Variants in DCDC2C observed in about 807,000 individuals in gnomAD.
The protein encoded by DCDC2C is doublecortin domain-containing protein 2C.
DCDC2C carries 44 observed loss-of-function variants against 45.0 expected under a neutral mutation model. The ratio of observed to expected loss-of-function variants is 0.98; its 90% CI spans 0.77 to 1.26. The LOEUF (loss-of-function observed/expected upper bound fraction) is 1.26. DCDC2C is among the 50% of genes most tolerant of loss of function. DCDC2C has a pLI of 0.00. For synonymous variants in DCDC2C, 187 were observed against 178.8 expected, an observed-to-expected ratio of 1.05 and a Z score of -0.37; for missense variants, 447 against 468.9, an observed-to-expected ratio of 0.95 and a Z score of 0.43.
chr2:3,807,557 C>A (rs59124342), intron 10 of DCDC2C, among the ~76,000 whole-genome samples: 15,166 of 151,830 alleles, frequency 0.1, 1,032 homozygotes, highest in East Asian at 0.3. Context: ...CTTCTTGGGT[C>A]ATTTTATCTT....
At chr2:3,797,282 A>G (rs1417608087) in intron 10 of DCDC2C, among the ~76,000 whole-genome samples, 2 of 151,888 alleles carry the variant, frequency 1.3e-5, no homozygotes, top group Non-Finnish European at 2.9e-5. Flanking sequence ...TAGTCTTGCT[A>G]GTGGTCTATC....
intron 10 of DCDC2C, among the ~76,000 whole-genome samples, chr2:3,816,331 G>A (rs554480851): frequency 1.3e-5 from 2 of 152,120 alleles, no homozygotes; most frequent in African/African-American, 4.8e-5. Context: ...ATAATTGCTT[G>A]GTTGGTGAGT....
chr2:3,703,689 A>G lies in DCDC2C; in HGVS notation c.-63A>G, dbSNP rs1667936513. On this transcript the variant is annotated 5_prime_UTR_variant, in exon 1 of 11. Coordinates refer to ENST00000399143, the MANE Select transcript of DCDC2C (RefSeq NM_001287444.2). This position sits in a 1 kb window ranked among gnomAD's most constrained non-coding sequence, Gnocchi z 4.4. ...TGCCCGGGCCTGGGCGCGGCTCTGC[A>G]GGCGTCGCTGCCCGCGCTGCCGCAG... 1 of 1,216,902 alleles carries G rather than the reference A, an allele frequency of 8.2e-7. No individual in the cohort carries two copies. The highest frequency in any genetic ancestry group is 1.0e-6 in the Non-Finnish European group (1 of 977,572). The allele number at this position is 1,216,902 out of a possible 1,614,324, so 75.4% of individuals were successfully genotyped here. A position where few individuals can be genotyped will look rare whatever the true frequency, so the allele number is the denominator to read the frequency against.
intron 8 of DCDC2C, among the ~76,000 whole-genome samples, chr2:3,778,334 T>A (rs2148170582): frequency 6.6e-6 from 1 of 152,246 alleles, no homozygotes; most frequent in Non-Finnish European, 1.5e-5. Flanking sequence ...CACATGCTTC[T>A]CCCCAAGAGC....
Position 3,847,159 on chromosome 2 carries a change from C to T in DCDC2C, c.1071C>T (p.Ala357=), listed in dbSNP as rs1672354391. The change falls in exon 11 of 11, where the codon GCC becomes GCT. Residue 357 remains alanine (A), a synonymous_variant. Coordinates refer to ENST00000399143, the MANE Select transcript of DCDC2C (RefSeq NM_001287444.2). Reference sequence around the variant, plus strand: ...TGCTTTTCTATGTCTTCCAGATGGCCCGGGAGTGGAAACCTGTAGATTAAC... The same window carrying T: ...TGCTTTTCTATGTCTTCCAGATGGCTCGGGAGTGGAAACCTGTAGATTAAC... ...RLCEDVERKM[A]REWKPVD 1 of 1,231,676 alleles carries T rather than the reference C, an allele frequency of 8.1e-7. No homozygotes were observed. The highest frequency in any genetic ancestry group is 3.2e-5 in the East Asian group (1 of 31,700). 76.3% of individuals were successfully genotyped at this position (1,231,676 alleles called of 1,614,324 possible). A position where few individuals can be genotyped will look rare whatever the true frequency, so the allele number is the denominator to read the frequency against.
At chr2:3,837,788 G>A (rs1013977955) in intron 10 of DCDC2C, among the ~76,000 whole-genome samples, 2 of 152,188 alleles carry the variant, frequency 1.3e-5, no homozygotes, top group Non-Finnish European at 2.9e-5. Context: ...TTCCTCAGCC[G>A]GCCAGCCGTG....
At chr2:3,796,465 T>C (rs1364074037) in intron 10 of DCDC2C, among the ~76,000 whole-genome samples, 2 of 114,682 alleles carry the variant, frequency 1.7e-5, no homozygotes, top group African/African-American at 7.3e-5. Context: ...AAGGGAATGC[T>C]CCCAGTTTTT....
chr2:3,723,991 G>C (rs140640494), intron 2 of DCDC2C, among the ~76,000 whole-genome samples: 2 of 152,122 alleles, frequency 1.3e-5, no homozygotes, highest in East Asian at 1.9e-4. Context: ...CTGTGTGTTT[G>C]TGTGTGTGTG....
chr2:3,787,780 C>T (rs1414427310), intron 10 of DCDC2C, among the ~76,000 whole-genome samples: 1 of 152,102 alleles, frequency 6.6e-6, no homozygotes, highest in Non-Finnish European at 1.5e-5. Context: ...GGACTGTTTT[C>T]CATTTTAAAT....
intron 10 of DCDC2C, among the ~76,000 whole-genome samples, chr2:3,799,041 C>T (rs1445651370): frequency 2.0e-5 from 3 of 152,190 alleles, no homozygotes; most frequent in South Asian, 2.1e-4. Context: ...TTCACATAGT[C>T]GCATATTTCT....
intron 10 of DCDC2C, among the ~76,000 whole-genome samples, chr2:3,800,214 G>A (rs966402615): frequency 1.4e-4 from 22 of 152,274 alleles, no homozygotes; most frequent in African/African-American, 5.1e-4. Flanking sequence ...GCAATGCCTC[G>A]CCCTGCTTCA....
At chr2:3,756,018 G>A (rs191897479) in intron 6 of DCDC2C, among the ~76,000 whole-genome samples, 78 of 151,930 alleles carry the variant, frequency 5.1e-4, no homozygotes, top group South Asian at 4.6e-3. Flanking sequence ...GTAGATGCAC[G>A]TGTGTGTATG....
chr2:3,758,124 C>T (rs1387034850), intron 6 of DCDC2C, among the ~76,000 whole-genome samples: 1 of 152,180 alleles, frequency 6.6e-6, no homozygotes, highest in Admixed American at 6.5e-5. Flanking sequence ...AAGGGCTGGT[C>T]CTGAAAAACT....
Position 3,703,596 on chromosome 2 carries a change from AGCCCCCGTCCC to A in DCDC2C, c.-154_-144del. 1.4e-6 allele frequency: 1 copy of A among 702,170 alleles called. No individual in the cohort carries two copies. The highest frequency in any genetic ancestry group is 1.9e-6 in the Non-Finnish European group (1 of 520,786). 43.5% of individuals were successfully genotyped at this position (702,170 alleles called of 1,614,324 possible). A position where few individuals can be genotyped will look rare whatever the true frequency, so the allele number is the denominator to read the frequency against. On this transcript the variant is annotated 5_prime_UTR_variant, in exon 1 of 11. Transcript: ENST00000399143. This position sits in a 1 kb window ranked among gnomAD's most constrained non-coding sequence, Gnocchi z 4.4. ...TGGCAGCCCCGTCCCGTCCCCGTCC[AGCCCCCGTCCC>A]GTCCCCGTCCCGTCCCCGTCCTGCG...
chr2:3,790,443 T>G (rs536293806), intron 10 of DCDC2C, among the ~76,000 whole-genome samples: 1 of 152,312 alleles, frequency 6.6e-6, no homozygotes, highest in South Asian at 2.1e-4. Flanking sequence ...CATCCACAGA[T>G]CCATAACAAT....
At chr2:3,781,201 G>A (rs1670498659) in intron 9 of DCDC2C, among the ~76,000 whole-genome samples, 1 of 152,264 alleles carries the variant, frequency 6.6e-6, no homozygotes, top group South Asian at 2.1e-4. Context: ...TGAAAAAGAA[G>A]CAGGACTCAA....
intron 10 of DCDC2C, among the ~76,000 whole-genome samples, chr2:3,826,273 T>C (rs894030682): frequency 6.6e-6 from 1 of 152,200 alleles, no homozygotes; most frequent in Non-Finnish European, 1.5e-5. Context: ...TATCACCAGA[T>C]ACAAATTTTT....
intron 10 of DCDC2C, among the ~76,000 whole-genome samples, chr2:3,819,711 T>G (rs1007610424): frequency 1.3e-5 from 2 of 152,154 alleles, no homozygotes; most frequent in African/African-American, 4.8e-5. Context: ...GTTTTTATAT[T>G]TGATGAAAAA....
chr2:3,716,497 A>G (rs1003024410), intron 2 of DCDC2C, among the ~76,000 whole-genome samples: 1 of 152,244 alleles, frequency 6.6e-6, no homozygotes. Context: ...GCAGAAAAGA[A>G]TAGAAGAGAG....
Sources: allele counts gnomAD v4.1 joint callset (sites outside exome capture counted in the v4.1 genomes callset), GRCh38; gene constraint gnomAD v4.1.1; non-coding constraint Gnocchi (gnomAD v3.1); transcripts MANE v1.5; gene names NCBI Gene and HGNC (gene_info 2026-07-23, HGNC 2026-07-21).